Variants in ZNF516 observed in about 807,000 individuals in gnomAD.
ZNF516 encodes the protein zinc finger protein 516.
ZNF516 carries 19 observed loss-of-function variants against 79.7 expected under a neutral mutation model. The observed-to-expected ratio is 0.24, with a 90% CI of 0.17 to 0.35. The LOEUF is 0.35. Among genes scored for constraint, ZNF516 ranks in the 10% least tolerant of loss-of-function variants. The pLI is 1.00. For synonymous variants in ZNF516, 877 were observed against 739.5 expected (o/e 1.19, Z -3.02); for missense variants, 1,678 against 1,679.5 (o/e 1.00, Z 0.02).
intron 4 of ZNF516, among the ~76,000 whole-genome samples, chr18:76,377,727 T>C (rs1262722922): frequency 1.3e-5 from 2 of 150,868 alleles, no homozygotes; most frequent in Non-Finnish European, 3.0e-5. Flanking sequence ...TTTTTTTTTT[T>C]TTTTTTGAGA....
chr18:76,441,923 C>G lies in ZNF516; in HGVS notation c.1132G>C (p.Asp378His). Reference protein sequence around the residue: ...PAEEGAEGPSDTKQFFLQCLN... With the variant: ...PAEEGAEGPSHTKQFFLQCLN... ...CACTGGAGGAAGAACTGCTTGGTGTCCGAGGGCCCCTCCGCCCCCTCCTCG... is the reference window on the plus strand; with the variant it reads ...CACTGGAGGAAGAACTGCTTGGTGTGCGAGGGCCCCTCCGCCCCCTCCTCG... Residue 378 changes from aspartate (D) to histidine (H), a missense_variant, in exon 3 of 7, where the codon GAC (aspartate) becomes CAC (histidine). Asp to His is a moderately conservative substitution (Grantham distance 81). This residue lies in a region of ZNF516 where 1,294 missense variants were observed against 1,248.3 expected (regional missense o/e 1.04). Coordinates refer to ENST00000443185, the MANE Select transcript of ZNF516 (RefSeq NM_014643.4). 1 of 1,606,234 alleles carries G rather than the reference C, an allele frequency of 6.2e-7. No homozygotes were observed. Among genetic ancestry groups the G allele is most frequent in the East Asian group, 2.2e-5 (1 of 44,664 alleles).
chr18:76,423,655 G>A (rs141507558), intron 3 of ZNF516, among the ~76,000 whole-genome samples: 56 of 105,160 alleles, frequency 5.3e-4, no homozygotes, highest in Non-Finnish European at 6.7e-4. Context: ...ACACGCAGGT[G>A]AAAAGGCTCC....
chr18:76,457,757 C>A (rs1912818920), intron 2 of ZNF516, among the ~76,000 whole-genome samples: 1 of 152,106 alleles, frequency 6.6e-6, no homozygotes, highest in Admixed American at 6.5e-5. Context: ...GCAACTCCCA[C>A]CACTGACTTG....
chr18:76,473,383 C>T (rs1409010582), intron 1 of ZNF516, among the ~76,000 whole-genome samples: 1 of 137,812 alleles, frequency 7.3e-6, no homozygotes, highest in African/African-American at 2.7e-5. Context: ...AAAAAAACAC[C>T]TATGACTGAG....
intron 3 of ZNF516, among the ~76,000 whole-genome samples, chr18:76,391,362 C>A (rs565676094): frequency 1.1e-4 from 16 of 152,158 alleles, no homozygotes; most frequent in South Asian, 8.3e-4. Flanking sequence ...CCAATCCTAA[C>A]CCCCTCAACC....
chr18:76,440,855 C>G (rs576424264), intron 3 of ZNF516, among the ~76,000 whole-genome samples: 2 of 152,160 alleles, frequency 1.3e-5, no homozygotes, highest in Non-Finnish European at 2.9e-5. Flanking sequence ...TGATGGTGTT[C>G]TTTGCTCAGA....
chr18:76,384,014 C>CT (rs2145071522), intron 3 of ZNF516, among the ~76,000 whole-genome samples: 1 of 152,346 alleles, frequency 6.6e-6, no homozygotes, highest in African/African-American at 2.4e-5. Flanking sequence ...CAAAACAAAA[C>CT]TAAGACGAGG....
At chr18:76,437,796 A>G (rs1305123939) in intron 3 of ZNF516, among the ~76,000 whole-genome samples, 1 of 152,238 alleles carries the variant, frequency 6.6e-6, no homozygotes, top group Non-Finnish European at 1.5e-5. Context: ...GTATATGTTC[A>G]GTACAGATAT....
At chr18:76,381,783 A>G (rs2074896750) in intron 3 of ZNF516, among the ~76,000 whole-genome samples, 1 of 152,334 alleles carries the variant, frequency 6.6e-6, no homozygotes, top group South Asian at 2.1e-4. Flanking sequence ...TGCGGAGATG[A>G]GACAAAGGAA....
rs17059417 is a variant in ZNF516, at chr18:76,465,263, G to T, written c.-271-2122C>A. Among the ~76,000 whole-genome samples the T allele has an allele frequency of 4.2e-3, 646 of 152,256 alleles. 6 individuals are homozygous for T. The highest frequency in any genetic ancestry group is 0.014 in the African/African-American group (584 of 41,578). On this transcript the variant is annotated intron_variant, in intron 1 of 6. Transcript: ENST00000443185. ...TTTCGGGTTATGCACATCCAGAGAT[G>T]CTTTCCTGCCCCTGGACACCAGCTT... is the stretch of plus-strand genomic sequence containing the variant.
At chr18:76,491,283 C>T (rs1915181408) in intron 1 of ZNF516, among the ~76,000 whole-genome samples, 1 of 40,732 alleles carries the variant, frequency 2.5e-5, no homozygotes, top group South Asian at 4.7e-4. Flanking sequence ...TCCCCGGCCC[C>T]GGCCCCGGCC....
At chr18:76,412,617 G>A (rs1415715410) in intron 3 of ZNF516, among the ~76,000 whole-genome samples, 1 of 152,174 alleles carries the variant, frequency 6.6e-6, no homozygotes, top group Admixed American at 6.5e-5. Context: ...GAGGAAGGGA[G>A]GGGAGGCCGG....
chr18:76,418,046 G>A (rs1447710060), intron 3 of ZNF516, among the ~76,000 whole-genome samples: 1 of 152,106 alleles, frequency 6.6e-6, no homozygotes, highest in Non-Finnish European at 1.5e-5. Flanking sequence ...CACTGCCTGT[G>A]GCAGCCCCAC....
chr18:76,362,577 G>T lies in ZNF516; in HGVS notation c.3433-20C>A, dbSNP rs142041708. ...TCTCCCCTGGGTGAGAAAAAGGAAA[G>T]AACAGGAGAAAAGCTCATTTCTGCC... On this transcript the variant is annotated intron_variant, in intron 6 of 6. Coordinates refer to ENST00000443185, the MANE Select transcript of ZNF516 (RefSeq NM_014643.4). 3 of 1,601,048 alleles carry T rather than the reference G, an allele frequency of 1.9e-6. No individual in the cohort carries two copies. The highest frequency in any genetic ancestry group is 2.6e-6 in the Non-Finnish European group (3 of 1,169,376).
Position 76,493,096 on chromosome 18 carries a change from C to CTT in ZNF516, c.-272+2046_-272+2047dup, listed in dbSNP as rs561296687. 196 of 803,242 alleles carry CTT rather than the reference C, an allele frequency of 2.4e-4. No homozygotes were observed. Among genetic ancestry groups the CTT allele is most frequent in the Middle Eastern group, 1.2e-3 (2 of 1,630 alleles). 49.8% of individuals were successfully genotyped at this position (803,242 alleles called of 1,614,324 possible). Reference sequence around the variant, plus strand: ...CAGGGAGACTTCGCAAAGCTGTTTCCTTTTTTTTTTTTCCTCCTCTCCTCC... The same window carrying CTT: ...CAGGGAGACTTCGCAAAGCTGTTTCCTTTTTTTTTTTTTTCCTCCTCTCCTCC... On this transcript the variant is annotated intron_variant, in intron 1 of 6. Coordinates refer to ENST00000443185, the MANE Select transcript of ZNF516 (RefSeq NM_014643.4). This position sits in a 1 kb window ranked among gnomAD's most constrained non-coding sequence, Gnocchi z 5.2.
intron 1 of ZNF516, among the ~76,000 whole-genome samples, chr18:76,465,867 A>G (rs116570853): frequency 2.0e-5 from 3 of 152,314 alleles, no homozygotes; most frequent in Non-Finnish European, 4.4e-5. Context: ...ATCAGGGACC[A>G]GCAGGGACTT....
intron 1 of ZNF516, among the ~76,000 whole-genome samples, chr18:76,472,786 A>G (rs1245094945): frequency 6.6e-6 from 1 of 152,280 alleles, no homozygotes; most frequent in Non-Finnish European, 1.5e-5. Context: ...CACTAAATCC[A>G]GTAAGCAAGG....
intron 2 of ZNF516, among the ~76,000 whole-genome samples, chr18:76,457,196 G>A (rs1912784605): frequency 6.6e-6 from 1 of 152,244 alleles, no homozygotes; most frequent in African/African-American, 2.4e-5. Context: ...CTCCTTGCAT[G>A]TAAGATTCCT....
At chr18:76,481,716 G>A (rs955898899) in intron 1 of ZNF516, among the ~76,000 whole-genome samples, 1 of 152,198 alleles carries the variant, frequency 6.6e-6, no homozygotes, top group African/African-American at 2.4e-5. Context: ...GTAGGCACTT[G>A]ATCAATGTTT....
Sources: allele counts gnomAD v4.1 joint callset (sites outside exome capture counted in the v4.1 genomes callset), GRCh38; gene constraint gnomAD v4.1.1; regional missense constraint gnomAD v4.1.1; non-coding constraint Gnocchi (gnomAD v3.1); transcripts MANE v1.5; gene names NCBI Gene and HGNC (gene_info 2026-07-23, HGNC 2026-07-21).